Variants in KCNK2 observed in about 807,000 individuals in gnomAD.
KCNK2 encodes potassium channel subfamily K member 2.
KCNK2 carries 21 observed loss-of-function variants against 40.5 expected under a neutral mutation model. That is an observed-to-expected ratio of 0.52 (90% CI 0.37 to 0.75). The LOEUF is 0.75. Among genes scored for constraint, KCNK2 ranks in the 30% least tolerant of loss-of-function variants. KCNK2 has a pLI of 0.00. For missense variants in KCNK2, 399 were observed against 531.6 expected (o/e 0.75, Z 2.45); for synonymous variants, 191 against 202.2 (o/e 0.94, Z 0.47).
chr1:215,133,421 T>C (rs1661760018), intron 3 of KCNK2, among the ~76,000 whole-genome samples: 1 of 152,186 alleles, frequency 6.6e-6, no homozygotes, highest in Non-Finnish European at 1.5e-5. Context: ...TTCTAGATTA[T>C]AGATTTTGCA....
At chr1:215,114,166 C>T (rs774169751) in intron 2 of KCNK2, among the ~76,000 whole-genome samples, 2 of 152,096 alleles carry the variant, frequency 1.3e-5, no homozygotes, top group Non-Finnish European at 2.9e-5. Flanking sequence ...CAGCCTCATG[C>T]TTATTATGAG....
At chr1:215,193,197 T>C (rs575931735) in intron 5 of KCNK2, among the ~76,000 whole-genome samples, 13 of 152,296 alleles carry the variant, frequency 8.5e-5, no homozygotes, top group Admixed American at 7.9e-4. Context: ...TTAATTTCTC[T>C]ACAATAATGT....
At chr1:215,214,111 G>GAC (rs1665859267) in intron 6 of KCNK2, among the ~76,000 whole-genome samples, 2 of 152,110 alleles carry the variant, frequency 1.3e-5, no homozygotes, top group African/African-American at 2.4e-5. Context: ...TTGCAATGCT[G>GAC]TAAAGAAATA....
chr1:215,035,611 G>A (rs1487130655), intron 1 of KCNK2, among the ~76,000 whole-genome samples: 8 of 151,954 alleles, frequency 5.3e-5, no homozygotes, highest in African/African-American at 1.9e-4. Flanking sequence ...CCATTGTATA[G>A]ATATACCATA....
At chr1:215,103,922 C>G (rs1228744355) in intron 2 of KCNK2, among the ~76,000 whole-genome samples, 1 of 151,876 alleles carries the variant, frequency 6.6e-6, no homozygotes, top group African/African-American at 2.4e-5. Flanking sequence ...TAATAGGAAC[C>G]TACTGAGATT....
At chr1:215,008,076 T>C (rs1656247968) in intron 1 of KCNK2, among the ~76,000 whole-genome samples, 1 of 151,892 alleles carries the variant, frequency 6.6e-6, no homozygotes, top group Non-Finnish European at 1.5e-5. Flanking sequence ...TTCTGGGACC[T>C]TGACCAAGAA....
intron 1 of KCNK2, among the ~76,000 whole-genome samples, chr1:215,085,653 T>G (rs1659398903): frequency 6.6e-6 from 1 of 152,222 alleles, no homozygotes; most frequent in African/African-American, 2.4e-5. Flanking sequence ...GTGCCTAGGA[T>G]TGACACAATG....
chr1:215,143,073 C>T (rs74140933), intron 3 of KCNK2, among the ~76,000 whole-genome samples: 1,996 of 152,154 alleles, frequency 0.013, 38 homozygotes, highest in African/African-American at 0.043. Flanking sequence ...AACTAAGGTG[C>T]GAAGACGAAG....
rs144108669 is a variant in KCNK2 at position 215,172,626 on chromosome 1, T to C, written c.823+443T>C. Among the ~76,000 whole-genome samples the C allele has an allele frequency of 4.3e-4, 65 of 152,264 alleles. 1 individual carries two copies. The East Asian group carries it at 0.012, about 27-fold the overall frequency. On this transcript the variant is annotated intron_variant, in intron 5 of 6. Coordinates refer to ENST00000444842, the MANE Select transcript of KCNK2 (RefSeq NM_001017425.3). ...TATAACATAACCACATCTTAACTAATTACATTTACAGGAGCCTTCTATTAT... is the reference window on the plus strand; with the variant it reads ...TATAACATAACCACATCTTAACTAACTACATTTACAGGAGCCTTCTATTAT...
At chr1:215,141,266 A>C (rs1443826841) in intron 3 of KCNK2, among the ~76,000 whole-genome samples, 1 of 152,126 alleles carries the variant, frequency 6.6e-6, no homozygotes, top group African/African-American at 2.4e-5. Context: ...AAATACATAA[A>C]CCAGTACCAT....
intron 6 of KCNK2, among the ~76,000 whole-genome samples, chr1:215,209,424 T>TATATATATTATATATA (rs1558140065): frequency 1.8e-5 from 1 of 54,886 alleles, no homozygotes; most frequent in African/African-American, 8.9e-5. Flanking sequence ...TTATATATAA[T>TATATATATTATATATA]ATATATAATA....
chr1:215,123,271 GA>G (rs921138266), intron 2 of KCNK2, among the ~76,000 whole-genome samples: 3 of 151,998 alleles, frequency 2.0e-5, no homozygotes, highest in Non-Finnish European at 4.4e-5. Flanking sequence ...TAAGAGTAGA[GA>G]ATACAAATAT....
rs145773071 is a variant in KCNK2, at chr1:215,018,011, G to T, written c.34+12056G>T. Among the ~76,000 whole-genome samples, 8 of 152,222 alleles carry T rather than the reference G, an allele frequency of 5.3e-5. No homozygotes were observed. The East Asian group carries it at 1.5e-3, about 29-fold the overall frequency. On this transcript the variant is annotated intron_variant, in intron 1 of 6. Transcript: ENST00000391895. Reference sequence around the variant, plus strand: ...TGCATTTTGAGAGAATGAAGGAAAAGTAGTCTGCAAATAATTAGTGGCTGA... The same window carrying T: ...TGCATTTTGAGAGAATGAAGGAAAATTAGTCTGCAAATAATTAGTGGCTGA...
intron 1 of KCNK2, among the ~76,000 whole-genome samples, chr1:215,069,173 C>A (rs1658662679): frequency 1.3e-5 from 2 of 152,180 alleles, no homozygotes; most frequent in Non-Finnish European, 2.9e-5. Context: ...CGTAGACACC[C>A]AGTGTAGCCT....
At chr1:215,173,341 T>C (rs1271818163) in intron 5 of KCNK2, among the ~76,000 whole-genome samples, 1 of 152,232 alleles carries the variant, frequency 6.6e-6, no homozygotes, top group Non-Finnish European at 1.5e-5. Flanking sequence ...GGTATATATG[T>C]GCCACATTTT....
intron 2 of KCNK2, among the ~76,000 whole-genome samples, chr1:215,096,414 C>A (rs1361823973): frequency 2.0e-5 from 3 of 151,720 alleles, no homozygotes; most frequent in Non-Finnish European, 4.4e-5. Context: ...ATATTTTGAT[C>A]CAAGCATACA....
At chr1:215,181,841 C>T (rs2102649510) in intron 5 of KCNK2, among the ~76,000 whole-genome samples, 1 of 152,320 alleles carries the variant, frequency 6.6e-6, no homozygotes, top group East Asian at 1.9e-4. Context: ...GTGTTTTGAG[C>T]TCTCTGCTCA....
intron 1 of KCNK2, among the ~76,000 whole-genome samples, chr1:215,045,847 T>A (rs1657748786): frequency 6.6e-6 from 1 of 152,238 alleles, no homozygotes; most frequent in Admixed American, 6.5e-5. Flanking sequence ...AAAGTGCTGA[T>A]GTGTGTTTTA....
At chr1:215,116,463 C>G (rs2102570357) in intron 2 of KCNK2, among the ~76,000 whole-genome samples, 1 of 152,090 alleles carries the variant, frequency 6.6e-6, no homozygotes, top group East Asian at 1.9e-4. Flanking sequence ...GGTTTCTGGC[C>G]CTTCAATGAT....
Sources: gnomAD v4.1 joint callset for allele counts (sites outside exome capture counted in the v4.1 genomes callset) on GRCh38, gnomAD v4.1.1 for gene constraint, MANE v1.5 for transcripts, NCBI Gene and HGNC (gene_info 2026-07-23, HGNC 2026-07-21) for gene names.